The following ULK4 variants were observed in gnomAD, a reference collection of about 807,000 sequenced individuals.
ULK4 encodes the protein unc-51 like kinase 4.
A neutral mutation model predicts 160.6 loss-of-function variants in ULK4; 133 were observed. The observed-to-expected ratio is 0.83, with a 90% CI of 0.72 to 0.96. The LOEUF (loss-of-function observed/expected upper bound fraction) is 0.96. Ranked by LOEUF, ULK4 falls within the 40% of genes least tolerant of loss-of-function variation. ULK4 has a pLI of 0.00. For missense variants in ULK4, 1,580 were observed against 1,499.5 expected, an observed-to-expected ratio of 1.05 and a Z score of -0.89; for synonymous variants, 534 against 539.8, an observed-to-expected ratio of 0.99 and a Z score of 0.15.
At chr3:41,741,361 T>C (rs756109225) in intron 22 of ULK4, among the ~76,000 whole-genome samples, 1 of 151,952 alleles carries the variant, frequency 6.6e-6, no homozygotes, top group Non-Finnish European at 1.5e-5. Context: ...ATAATTAATA[T>C]ATAACTCTGC....
chr3:41,804,818 C>T (rs867466387), intron 19 of ULK4, among the ~76,000 whole-genome samples: 1 of 152,122 alleles, frequency 6.6e-6, no homozygotes, highest in Admixed American at 6.5e-5. Context: ...TTTCTGAGGG[C>T]TCTGTTCTAT....
chr3:41,553,397 A>G (rs2643981), intron 32 of ULK4, among the ~76,000 whole-genome samples: 77,579 of 151,870 alleles, frequency 0.51, 19,930 homozygotes, highest in Middle Eastern at 0.57. Context: ...GGACTCAACA[A>G]AACAATAATA....
chr3:41,900,927 T>G (rs1284624112), intron 12 of ULK4, 98 bp from the exon 13 acceptor site: 1 of 747,128 alleles, frequency 1.3e-6, no homozygotes, highest in Admixed American at 2.3e-5. Flanking sequence ...CACTGTAAAA[T>G]ATCACCTATA....
intron 16 of ULK4, among the ~76,000 whole-genome samples, chr3:41,892,158 A>G (rs1282062608): frequency 6.6e-6 from 1 of 152,244 alleles, no homozygotes; most frequent in Non-Finnish European, 1.5e-5. Context: ...CATTTATCTG[A>G]CAAGGGGTTA....
At chr3:41,291,350 G>T (rs1185975889) in intron 35 of ULK4, among the ~76,000 whole-genome samples, 2 of 122,246 alleles carry the variant, frequency 1.6e-5, no homozygotes, top group East Asian at 4.6e-4. Context: ...GAAGGAAGGA[G>T]AAAGAGAAAG....
rs550443980 is a variant in ULK4 at position 41,315,310 on chromosome 3, C to T, written c.3679-65736G>A. ...CTGTCAGCTGTTTTCCTTGAAGTCACAGACTTTGTTCATTTCTGAGAAAAT... is the reference window on the plus strand; with the variant it reads ...CTGTCAGCTGTTTTCCTTGAAGTCATAGACTTTGTTCATTTCTGAGAAAAT... On this transcript the variant is annotated intron_variant, in intron 35 of 36. Coordinates refer to ENST00000301831, the MANE Select transcript of ULK4 (RefSeq NM_017886.4). Among the ~76,000 whole-genome samples, 90 of 152,246 alleles carry T rather than the reference C, an allele frequency of 5.9e-4. 1 individual carries two copies. The highest frequency in any genetic ancestry group is 1.8e-3 in the Admixed American group (27 of 15,296).
intron 30 of ULK4, among the ~76,000 whole-genome samples, chr3:41,653,439 T>A (rs1301728971): frequency 6.6e-6 from 1 of 152,162 alleles, no homozygotes; most frequent in Non-Finnish European, 1.5e-5. Context: ...TCCTCTTGGA[T>A]CTTTTAGTAA....
chr3:41,754,313 C>G, intron 22 of ULK4, 48 bp downstream of exon 22: 1 of 1,579,826 alleles, frequency 6.3e-7, no homozygotes, highest in Non-Finnish European at 8.6e-7. Context: ...ACTAATACAA[C>G]AGGCACTAAA....
chr3:41,322,228 C>T (rs1039376727), intron 35 of ULK4, among the ~76,000 whole-genome samples: 3 of 144,872 alleles, frequency 2.1e-5, no homozygotes, highest in South Asian at 2.2e-4. Flanking sequence ...GATGGGGTTT[C>T]ACCCTGTTGG....
At chr3:41,900,903 G>T in intron 12 of ULK4, 74 bp from the exon 13 acceptor site, 1 of 1,059,472 alleles carries the variant, frequency 9.4e-7, no homozygotes, top group Non-Finnish European at 1.4e-6. Flanking sequence ...CCAGTAAGAT[G>T]CTGAGGAAGA....
At chr3:41,387,663 G>A (rs2081850490) in intron 35 of ULK4, among the ~76,000 whole-genome samples, 1 of 152,066 alleles carries the variant, frequency 6.6e-6, no homozygotes, top group Non-Finnish European at 1.5e-5. Flanking sequence ...TGAGAATGAT[G>A]GTTTCCAGCT....
intron 11 of ULK4, among the ~76,000 whole-genome samples, chr3:41,908,457 T>G (rs955268630): frequency 2.0e-5 from 3 of 152,078 alleles, no homozygotes; most frequent in African/African-American, 7.2e-5. Context: ...ACTTTTTTTT[T>G]CTTTTTGAGA....
At chr3:41,403,332 G>T (rs2082224004) in intron 34 of ULK4, among the ~76,000 whole-genome samples, 1 of 152,114 alleles carries the variant, frequency 6.6e-6, no homozygotes, top group Non-Finnish European at 1.5e-5. Flanking sequence ...AGTTCTGGTA[G>T]TTTTGGAAGA....
chr3:41,855,826 G>C (rs1193123983), intron 17 of ULK4, among the ~76,000 whole-genome samples: 2 of 152,026 alleles, frequency 1.3e-5, no homozygotes, highest in East Asian at 3.9e-4. Context: ...GTGATGCTTT[G>C]CTAGGTTCCC....
intron 35 of ULK4, among the ~76,000 whole-genome samples, chr3:41,380,778 C>G (rs893160776): frequency 6.6e-6 from 1 of 152,134 alleles, no homozygotes; most frequent in East Asian, 1.9e-4. Flanking sequence ...TATCTTTACC[C>G]CTCCTCTTGA....
chr3:41,710,124 G>A (rs1357543200), intron 25 of ULK4, among the ~76,000 whole-genome samples: 1 of 151,846 alleles, frequency 6.6e-6, no homozygotes, highest in African/African-American at 2.4e-5. Flanking sequence ...TATAAATAAA[G>A]CTTGTCTAAA....
intron 35 of ULK4, among the ~76,000 whole-genome samples, chr3:41,368,714 G>A (rs1369754533): frequency 6.6e-6 from 1 of 152,138 alleles, no homozygotes; most frequent in Admixed American, 6.5e-5. Context: ...GCATGTATCA[G>A]TACTTCATTC....
At chr3:41,408,205 G>A (rs2082332927) in intron 34 of ULK4, among the ~76,000 whole-genome samples, 1 of 151,790 alleles carries the variant, frequency 6.6e-6, no homozygotes, top group African/African-American at 2.4e-5. Flanking sequence ...GAGGTGGGCG[G>A]ATCACGAGGT....
Position 41,246,677 on chromosome 3 carries a change from C to T in ULK4, c.*252G>A. ...CTGGCCCACACAGAGAGGGAAAGAA[C>T]ATTTCTGAGAACAGCTAACAAACCT... is the stretch of plus-strand genomic sequence containing the variant. On this transcript the variant is annotated 3_prime_UTR_variant, in exon 37 of 37. Coordinates refer to ENST00000301831, the MANE Select transcript of ULK4 (RefSeq NM_017886.4). 2.1e-6 allele frequency: 1 copy of T among 480,750 alleles called. No individual in the cohort carries two copies. The highest frequency in any genetic ancestry group is 3.8e-6 in the Non-Finnish European group (1 of 266,038). The allele number at this position is 480,750 out of a possible 1,614,324, so 29.8% of individuals were successfully genotyped here.
Sources: gnomAD v4.1 joint callset for allele counts (sites outside exome capture counted in the v4.1 genomes callset) on GRCh38, gnomAD v4.1.1 for gene constraint, MANE v1.5 for transcripts, NCBI Gene and HGNC (gene_info 2026-07-23, HGNC 2026-07-21) for gene names.